Variants in DST observed in about 807,000 individuals in gnomAD.
DST encodes dystonin.
DST carries 253 observed loss-of-function variants against 875.2 expected under a neutral mutation model. The observed-to-expected ratio is 0.29, with a 90% confidence interval of 0.26 to 0.32. The LOEUF (loss-of-function observed/expected upper bound fraction) is 0.32, where lower values mean the gene tolerates loss of function less well. DST is among the 10% of genes least tolerant of loss of function. The pLI is 1.00. For synonymous variants in DST, 3,124 were observed against 3,197.1 expected (o/e 0.98, Z 0.77); for missense variants, 8,287 against 9,111.6 (o/e 0.91, Z 3.68).
intron 10 of DST, among the ~76,000 whole-genome samples, chr6:56,670,000 T>G (rs1036791499): frequency 2.6e-5 from 4 of 152,186 alleles, no homozygotes; most frequent in Non-Finnish European, 5.9e-5. Context: ...TGGAAACTTG[T>G]GGGCTACAAG....
chr6:56,508,663 C>A lies in DST; in HGVS notation c.19105G>T (p.Glu6369Ter). The A allele has an allele frequency of 6.2e-7, 1 of 1,613,840 alleles. No homozygotes were observed. The change falls in exon 75 of 104, where the codon GAG becomes TAG. Residue 6369 changes from glutamate to a stop codon, truncating the protein, a stop_gained. Coordinates refer to ENST00000680361, the MANE Select transcript of DST (RefSeq NM_001374736.1). LOFTEE classifies it high-confidence loss of function. ...EREAKLLDVMELAEKFWCDHM... is the reference protein window; with the variant it reads ...EREAKLLDVM The stretch of plus-strand genomic sequence containing the variant: ...TCACACCAGAACTTTTCTGCTAGCT[C>A]CATCACATCCAGTAGTTTGGCTTCC...
intron 82 of DST, among the ~76,000 whole-genome samples, chr6:56,496,603 C>A (rs910266540): frequency 1.3e-5 from 2 of 151,902 alleles, no homozygotes; most frequent in East Asian, 3.9e-4. Flanking sequence ...CACTTCAAGG[C>A]ACAATAATTT....
chr6:56,867,636 A>G lies in DST; in HGVS notation c.418-16032T>C, dbSNP rs1030476502. Among the ~76,000 whole-genome samples, 3 of 152,232 alleles carry G rather than the reference A, an allele frequency of 2.0e-5. No homozygotes were observed. In the South Asian group the frequency reaches 6.2e-4, roughly 32 times the overall value. On this transcript the variant is annotated intron_variant, in intron 3 of 103. Transcript: ENST00000680361. ...GGAGATCAAGACCATCCTGGCCAAC[A>G]TGGTGAAACCCCGTCTCTACTAAAA...
intron 69 of DST, among the ~76,000 whole-genome samples, chr6:56,525,462 C>T (rs2096780900): frequency 6.6e-6 from 1 of 152,158 alleles, no homozygotes; most frequent in African/African-American, 2.4e-5. Flanking sequence ...AGGAGCAGAA[C>T]ATTATGCTTT....
In DST at chr6:56,605,951, T is replaced by G. The variant is rs1372719049; in HGVS notation, c.8677A>C (p.Ser2893Arg). 8 of 1,612,506 alleles carry G rather than the reference T, an allele frequency of 5.0e-6. No individual in the cohort carries two copies. Among genetic ancestry groups the G allele is most frequent in the Non-Finnish European group, 6.8e-6 (8 of 1,179,368 alleles). ...PSENNLVTEK[S>R]NLPEYTTEIA... Reference sequence around the variant, plus strand: ...TCAGTTGTATATTCTGGAAGGTTGCTTTTTTCAGTAACTAAGTTATTTTCA... The same window carrying G: ...TCAGTTGTATATTCTGGAAGGTTGCGTTTTTCAGTAACTAAGTTATTTTCA... Residue 2893 changes from serine to arginine, a missense_variant, in exon 40 of 104, where the codon AGC becomes CGC. By Grantham distance (110) the Ser-to-Arg change is moderately radical. Around this residue, in one of 10 missense-constraint regions of DST, gnomAD observed 3,138 missense variants for 3,116.6 expected, o/e 1.01. Transcript: ENST00000680361.
chr6:56,717,035 T>C (rs2099397409), intron 5 of DST, among the ~76,000 whole-genome samples: 1 of 151,768 alleles, frequency 6.6e-6, no homozygotes, highest in South Asian at 2.1e-4. Context: ...TACAAAAAAT[T>C]AGCTGGGCGT....
chr6:56,614,443 G>C lies in DST; in HGVS notation c.4971C>G (p.Ala1657=). The stretch of plus-strand genomic sequence containing the variant: ...TTGATACCCATTTTTGCAATTCTTT[G>C]GCTTTTTCAACATGTTCTTTCTTTT... The part of the protein sequence containing the change: ...EEEKKEHVEK[A]KELQKWVSNI... Residue 1657 remains alanine, a synonymous_variant, in exon 37 of 104, where the codon GCC becomes GCG. Transcript: ENST00000680361. The C allele has an allele frequency of 6.2e-7, 1 of 1,607,616 alleles. No homozygotes were observed.
intron 2 of DST, among the ~76,000 whole-genome samples, chr6:56,953,128 T>C (rs1169376623): frequency 3.3e-5 from 5 of 152,124 alleles, no homozygotes; most frequent in Non-Finnish European, 7.3e-5. Context: ...TTAGGATAAG[T>C]GGAGGTTGGC....
intron 3 of DST, among the ~76,000 whole-genome samples, chr6:56,885,699 G>A (rs1784401186): frequency 6.6e-6 from 1 of 152,174 alleles, no homozygotes; most frequent in African/African-American, 2.4e-5. Flanking sequence ...CACCAGGTGA[G>A]GATGCAGAAA....
chr6:56,821,945 T>C (rs2099773480), intron 4 of DST, among the ~76,000 whole-genome samples: 1 of 152,036 alleles, frequency 6.6e-6, no homozygotes, highest in South Asian at 2.1e-4. Context: ...TCAAAGACTT[T>C]CATCAAAGTC....
chr6:56,497,921 G>A lies in DST; in HGVS notation c.20029C>T (p.Arg6677Cys), dbSNP rs367862312. Residue 6677 changes from arginine to cysteine, a missense_variant, in exon 81 of 104, where the codon CGC (arginine) becomes TGC (cysteine). Arg to Cys is a radical substitution (Grantham distance 180). Around this residue, in one of 10 missense-constraint regions of DST, gnomAD observed 1,292 missense variants for 1,552.7 expected, o/e 0.83. Coordinates refer to ENST00000680361, the MANE Select transcript of DST (RefSeq NM_001374736.1). ...LQNKLEVLNQRWQNVLEKTEQ... is the reference protein window; with the variant it reads ...LQNKLEVLNQCWQNVLEKTEQ... ...GTTTTTTCCAAAACATTTTGCCAGC[G>A]TTGATTTAAAACCTCTAGCTTGTTC... 3.8e-5 allele frequency: 62 copies of A among 1,613,048 alleles called. No individual in the cohort carries two copies. Among genetic ancestry groups the A allele is most frequent in the Middle Eastern group, 1.6e-4 (1 of 6,070 alleles).
intron 37 of DST, among the ~76,000 whole-genome samples, chr6:56,613,612 A>G (rs2098573059): frequency 6.6e-6 from 1 of 152,134 alleles, no homozygotes; most frequent in Non-Finnish European, 1.5e-5. Context: ...TTCTTATCTT[A>G]GCGGAAATTT....
Position 56,954,433 on chromosome 6 carries a change from A to G in DST, c.155T>C (p.Val52Ala). 4.4e-6 allele frequency: 6 copies of G among 1,367,426 alleles called. No individual in the cohort carries two copies. Among genetic ancestry groups the G allele is most frequent in the Non-Finnish European group, 5.9e-6 (6 of 1,021,756 alleles). The allele number at this position is 1,367,426 out of a possible 1,614,324, so 84.7% of individuals were successfully genotyped here. ...LQKGRHPMKS[V>A]FSGRSRSRDA... ...TCGGCTTCTTGAACGACCCGAGAAG[A>G]CCGATTTCATCGGATGCCTCCCTTT... The change falls in exon 1 of 104, where the codon GTC becomes GCC. Residue 52 changes from valine (V) to alanine (A), a missense_variant. Val to Ala is a moderately conservative substitution (Grantham distance 64). Transcript: ENST00000680361.
At chr6:56,488,657 T>C (rs984215637) in intron 86 of DST, among the ~76,000 whole-genome samples, 6 of 152,200 alleles carry the variant, frequency 3.9e-5, no homozygotes, top group Admixed American at 1.3e-4. Context: ...ACAAATTTTA[T>C]ATCACCCCAA....
intron 36 of DST, chr6:56,617,850 C>G: frequency 1.4e-6 from 1 of 731,954 alleles, no homozygotes. Flanking sequence ...AAGAGTATAG[C>G]ATTATTTTCC....
At chr6:56,681,332 C>T (rs1459386692) in intron 9 of DST, among the ~76,000 whole-genome samples, 1 of 152,170 alleles carries the variant, frequency 6.6e-6, no homozygotes, top group East Asian at 1.9e-4. Context: ...CTGACACCCA[C>T]CCCAAACACT....
rs976711502 is a variant in DST, at chr6:56,535,215, G to A, written c.16848C>T (p.Leu5616=). ...GRFQDALESL[L]SWMVDTEELV... The stretch of plus-strand genomic sequence containing the variant: ...GCTCCTCAGTGTCCACCATCCAGCT[G>A]AGCAGGGACTCCAGGGCATCCTGGA... The change falls in exon 63 of 104, where the codon CTC becomes CTT. Residue 5616 remains leucine, a synonymous_variant. Transcript: ENST00000680361. The A allele has an allele frequency of 5.0e-6, 8 of 1,613,524 alleles. No homozygotes were observed. The highest frequency in any genetic ancestry group is 2.7e-5 in the African/African-American group (2 of 74,906).
intron 4 of DST, among the ~76,000 whole-genome samples, chr6:56,833,730 G>A (rs1012100310): frequency 1.3e-5 from 2 of 151,954 alleles, no homozygotes; most frequent in African/African-American, 4.8e-5. Context: ...TAGTACTTAA[G>A]AATGCTATGA....
At chr6:56,670,201 C>CT (rs1293604149) in intron 10 of DST, among the ~76,000 whole-genome samples, 2 of 151,116 alleles carry the variant, frequency 1.3e-5, no homozygotes, top group African/African-American at 4.9e-5. Flanking sequence ...ATCATGGCCT[C>CT]TAAGTAGTGG....
Sources: allele counts gnomAD v4.1 joint callset (sites outside exome capture counted in the v4.1 genomes callset), GRCh38; gene constraint gnomAD v4.1.1; regional missense constraint gnomAD v4.1.1; transcripts MANE v1.5; gene names NCBI Gene and HGNC (gene_info 2026-07-23, HGNC 2026-07-21).